ABCC12: variants seen among roughly 807,000 people sequenced by gnomAD.
ABCC12 encodes ATP binding cassette subfamily C member 12.
A neutral mutation model predicts 151.1 loss-of-function variants in ABCC12; 142 were observed. That is an observed-to-expected ratio of 0.94 (90% CI 0.82 to 1.08). ABCC12 has a LOEUF of 1.08. Ranked by LOEUF, ABCC12 falls within the 50% of genes least tolerant of loss-of-function variation. The pLI is 0.00. For missense variants in ABCC12, 1,638 were observed against 1,691.1 expected (o/e 0.97, Z 0.55); for synonymous variants, 645 against 646.4 (o/e 1.00, Z 0.03).
chr16:48,086,634 C>T, intron 28 of ABCC12, 107 bp downstream of exon 28: 2 of 939,352 alleles, frequency 2.1e-6, no homozygotes, highest in Non-Finnish European at 3.4e-6. Flanking sequence ...TACAAATAAA[C>T]CTGGCTAAGT....
At position 48,086,796 on chromosome 16, in the gene ABCC12, C is replaced by T. The variant is rs1962627108; in HGVS notation, c.3659G>A (p.Ser1220Asn). 2 of 1,613,756 alleles carry T rather than the reference C, an allele frequency of 1.2e-6. No individual in the cohort carries two copies. The highest frequency in any genetic ancestry group is 1.1e-5 in the South Asian group (1 of 91,066). ...TVRYNLDPFE[S>N]HTDEMLWQVL... ...CTGCCAGAGCATCTCATCGGTGTGA[C>T]TCTCAAAGGGATCCAAGTTGTACCT... Residue 1220 changes from serine (S) to asparagine (N), a missense_variant, in exon 28 of 31, where the codon AGT becomes AAT. By Grantham distance (46) the Ser-to-Asn change is conservative. Coordinates refer to ENST00000311303, the MANE Select transcript of ABCC12 (RefSeq NM_001393797.1).
chr16:48,105,233 A>G lies in ABCC12; in HGVS notation c.2579T>C (p.Val860Ala), dbSNP rs1212765149. ...GGTGACGCCAAACACCAGCATGAACACCATGCTTGCAGTGTACACCCACTG... is the reference window on the plus strand; with the variant it reads ...GGTGACGCCAAACACCAGCATGAACGCCATGCTTGCAGTGTACACCCACTG... ...VYQWVYTASM[V>A]FMLVFGVTKG... The change falls in exon 21 of 31, where the codon GTG becomes GCG. Residue 860 changes from valine to alanine, a missense_variant. Physicochemically the swap from Val to Ala is moderately conservative, Grantham distance 64 (BLOSUM62 0). Coordinates refer to ENST00000311303, the MANE Select transcript of ABCC12 (RefSeq NM_001393797.1). The G allele has an allele frequency of 1.9e-6, 3 of 1,614,066 alleles. No homozygotes were observed. The highest frequency in any genetic ancestry group is 2.5e-6 in the Non-Finnish European group (3 of 1,180,010).
Position 48,096,910 on chromosome 16 carries a change from T to G in ABCC12, c.3039-8A>C. On this transcript the variant is annotated splice_region_variant and splice_polypyrimidine_tract_variant and intron_variant, in intron 23 of 30. Coordinates refer to ENST00000311303, the MANE Select transcript of ABCC12 (RefSeq NM_001393797.1). ...TTAAAGTAGAGGAGGTGACTGGAGT[T>G]TTCGTCGTTTAGCGTCTTAAACCTA... is the stretch of plus-strand genomic sequence containing the variant. The G allele has an allele frequency of 6.2e-7, 1 of 1,613,994 alleles. No homozygotes were observed. Among genetic ancestry groups the G allele is most frequent in the African/African-American group, 1.3e-5 (1 of 74,992 alleles).
intron 2 of ABCC12, among the ~76,000 whole-genome samples, chr16:48,149,946 T>C (rs1416457379): frequency 1.3e-5 from 2 of 152,230 alleles, no homozygotes; most frequent in African/African-American, 4.8e-5. Flanking sequence ...AGTCTTGGCA[T>C]ATGTATGGAG....
intron 23 of ABCC12, among the ~76,000 whole-genome samples, chr16:48,100,505 C>G (rs909964961): frequency 6.6e-6 from 1 of 151,824 alleles, no homozygotes; most frequent in Non-Finnish European, 1.5e-5. Flanking sequence ...AAAAAAAGAA[C>G]AAAAAATGGA....
chr16:48,122,403 T>A (rs1181736832), intron 12 of ABCC12, among the ~76,000 whole-genome samples: 1 of 152,240 alleles, frequency 6.6e-6, no homozygotes, highest in Non-Finnish European at 1.5e-5. Context: ...TTATATGACA[T>A]CTTTGGACTT....
chr16:48,144,037 C>T lies in ABCC12; in HGVS notation c.148G>A (p.Gly50Arg), dbSNP rs768361803. The change falls in exon 4 of 31, where the codon GGG (glycine) becomes AGG (arginine). Residue 50 changes from glycine to arginine, a missense_variant. Transcript: ENST00000311303. ...GAAAATGTGGCGAAGGAGAGTAGCC[C>T]GGCATCATCCACCGGGTTGGGTGCT... is the stretch of plus-strand genomic sequence containing the variant. ...RLAPNPVDDA[G>R]LLSFATFSWL... The T allele has an allele frequency of 5.0e-5, 80 of 1,614,040 alleles. No individual in the cohort carries two copies. Among genetic ancestry groups the T allele is most frequent in the African/African-American group, 6.7e-5 (5 of 75,038 alleles).
At position 48,083,982 on chromosome 16, in the gene ABCC12, G is replaced by A. The variant is rs368282257; in HGVS notation, c.3920C>T (p.Thr1307Ile). 3.7e-6 allele frequency: 6 copies of A among 1,611,970 alleles called. No individual in the cohort carries two copies. The South Asian group carries it at 5.5e-5, about 15-fold the overall frequency. Residue 1307 changes from threonine to isoleucine, a missense_variant, in exon 30 of 31, where the codon ACT (threonine) becomes ATT (isoleucine). Coordinates refer to ENST00000311303, the MANE Select transcript of ABCC12 (RefSeq NM_001393797.1). ...GAGGCGGTGGGCGATGGTCAGCACA[G>A]TGCAGCCCTTGAAGGCATCTTTGAT... ...NTIKDAFKGC[T>I]VLTIAHRLNT...
rs1244048272 is a variant in ABCC12 at position 48,111,474 on chromosome 16, T to C, written c.2243A>G (p.Lys748Arg). Reference sequence around the variant, plus strand: ...AAATTCTGAGCCTGTTTCAGATTCTTTTCCTTCATCTTTCTCATTTCCTGG... The same window carrying C: ...AAATTCTGAGCCTGTTTCAGATTCTCTTCCTTCATCTTTCTCATTTCCTGG... ...LAPGNEKDEG[K>R]ESETGSEFVD... Residue 748 changes from lysine (K) to arginine (R), a missense_variant, in exon 18 of 31, where the codon AAA (lysine) becomes AGA (arginine). Transcript: ENST00000311303. 1.2e-6 allele frequency: 2 copies of C among 1,614,114 alleles called. No individual in the cohort carries two copies. The highest frequency in any genetic ancestry group is 4.5e-5 in the East Asian group (2 of 44,898).
At chr16:48,104,700 C>G (rs1392361687) in intron 21 of ABCC12, among the ~76,000 whole-genome samples, 2 of 152,190 alleles carry the variant, frequency 1.3e-5, no homozygotes, top group Non-Finnish European at 2.9e-5. Context: ...AATAAAAAGC[C>G]AAGTTTCACT....
intron 2 of ABCC12, among the ~76,000 whole-genome samples, chr16:48,150,059 G>A (rs1402921025): frequency 6.6e-6 from 1 of 152,154 alleles, no homozygotes; most frequent in African/African-American, 2.4e-5. Context: ...TACTAACATA[G>A]GCAGCAATTA....
rs191952818 is a variant in ABCC12 at position 48,121,872 on chromosome 16, G to A, written c.1588-32C>T. On this transcript the variant is annotated intron_variant, in intron 12 of 30. Coordinates refer to ENST00000311303, the MANE Select transcript of ABCC12 (RefSeq NM_001393797.1). ...CAACAAGACGGGAGAAGCTTCAGGA[G>A]CCAAGCCTTGAGAACTTTTCCTCAA... 5.7e-5 allele frequency: 92 copies of A among 1,612,928 alleles called. No individual in the cohort carries two copies. In the African/African-American group the frequency reaches 7.3e-4, roughly 13 times the overall value.
rs573974370 is a variant in ABCC12 at position 48,150,957 on chromosome 16, A to G, written c.-51+2659T>C. ...AAAACTGAGAAGCCTGGCTCTCACC[A>G]TCTACCATGTGTTTACTTAACTGTG... On this transcript the variant is annotated intron_variant, in intron 2 of 30. Coordinates refer to ENST00000311303, the MANE Select transcript of ABCC12 (RefSeq NM_001393797.1). 2.0e-5 allele frequency among the ~76,000 whole-genome samples: 3 copies of G among 152,278 alleles called. No individual in the cohort carries two copies. In the East Asian group the frequency reaches 5.8e-4, roughly 29 times the overall value.
intron 14 of ABCC12, 121 bp from the exon 15 acceptor site, chr16:48,115,739 T>C (rs1199588619): frequency 9.7e-7 from 1 of 1,027,180 alleles, no homozygotes; most frequent in Non-Finnish European, 1.4e-6. Context: ...CCTCGCCATA[T>C]CCAAGTTCCT....
At chr16:48,129,678 G>A (rs1425044695) in intron 10 of ABCC12, among the ~76,000 whole-genome samples, 4 of 152,104 alleles carry the variant, frequency 2.6e-5, no homozygotes, top group African/African-American at 7.2e-5. Context: ...AGTGCTATAC[G>A]GACTTGAGAA....
intron 22 of ABCC12, among the ~76,000 whole-genome samples, chr16:48,101,928 G>A (rs1187719066): frequency 6.6e-6 from 1 of 152,184 alleles, no homozygotes; most frequent in Non-Finnish European, 1.5e-5. Context: ...GAAATTATTT[G>A]TATTTGGTCA....
chr16:48,108,427 T>C lies in ABCC12; in HGVS notation c.2371+13A>G, dbSNP rs1282960677. ...GCAAATTAAATCAAGAAACTTGTTG[T>C]TTTATACTGAACCTCCAGAAGCCTT... On this transcript the variant is annotated intron_variant, in intron 19 of 30. Transcript: ENST00000311303. 6.2e-7 allele frequency: 1 copy of C among 1,609,136 alleles called. No homozygotes were observed. The highest frequency in any genetic ancestry group is 8.5e-7 in the Non-Finnish European group (1 of 1,176,062).
chr16:48,091,274 G>C, intron 24 of ABCC12, 65 bp from the exon 25 acceptor site: 1 of 1,425,056 alleles, frequency 7.0e-7, no homozygotes, highest in Non-Finnish European at 9.9e-7. Context: ...GCAGCTCCCC[G>C]TTCAGGAGGC....
At position 48,138,246 on chromosome 16, in the gene ABCC12, A is replaced by AAG. The variant is rs747256280; in HGVS notation, c.959_960dup (p.Phe321LeufsTer9). ...GTCCTACCTTGGATAGTGTTGGTAA[A>AAG]AGATTTCTCCCAGGCATACATTTTG... On this transcript the variant is annotated frameshift_variant, in exon 8 of 31. Transcript: ENST00000311303. LOFTEE classifies it high-confidence loss of function. 6 of 1,610,178 alleles carry AAG rather than the reference A, an allele frequency of 3.7e-6. No individual in the cohort carries two copies. Among genetic ancestry groups the AAG allele is most frequent in the Non-Finnish European group, 5.1e-6 (6 of 1,176,860 alleles).
Sources: gnomAD v4.1 joint callset for allele counts (sites outside exome capture counted in the v4.1 genomes callset) on GRCh38, gnomAD v4.1.1 for gene constraint, MANE v1.5 for transcripts, NCBI Gene and HGNC (gene_info 2026-07-23, HGNC 2026-07-21) for gene names.